The following DOP1A variants were observed in gnomAD, a reference collection of about 807,000 sequenced individuals.
DOP1A encodes the protein DOP1 leucine zipper like protein A.
DOP1A carries 90 observed loss-of-function variants against 267.6 expected under a neutral mutation model. The ratio of observed to expected loss-of-function variants is 0.34; its 90% CI spans 0.28 to 0.40. The LOEUF (loss-of-function observed/expected upper bound fraction) is 0.40, where lower values mean the gene tolerates loss of function less well. Ranked by LOEUF, DOP1A falls within the 10% of genes least tolerant of loss-of-function variation. The probability of loss-of-function intolerance (pLI) is 1.00; values close to 1 mark genes in which losing one functional copy is unlikely to be tolerated. For synonymous variants in DOP1A, 932 were observed against 999.1 expected (o/e 0.93, Z 1.27); for missense variants, 2,437 against 2,900.4 (o/e 0.84, Z 3.67).
chr6:83,097,945 C>G (rs1771812747), intron 3 of DOP1A, among the ~76,000 whole-genome samples: 2 of 151,768 alleles, frequency 1.3e-5, no homozygotes, highest in South Asian at 2.1e-4. Context: ...TTCACCCAGG[C>G]TGGAGTCCAG....
In DOP1A at chr6:83,140,307, A is replaced by G. The variant is rs1779407057; in HGVS notation, c.5319A>G (p.Thr1773=). The G allele has an allele frequency of 6.2e-7, 1 of 1,613,678 alleles. No individual in the cohort carries two copies. The highest frequency in any genetic ancestry group is 8.5e-7 in the Non-Finnish European group (1 of 1,179,894). ...SILHMIMSSV[T]LLWSILHQAD... is the part of the protein sequence containing the mutation. Reference sequence around the variant, plus strand: ...TTCATATGATCATGTCCTCTGTGACACTGCTTTGGAGCATACTGCATCAAG... The same window carrying G: ...TTCATATGATCATGTCCTCTGTGACGCTGCTTTGGAGCATACTGCATCAAG... The change falls in exon 23 of 39, where the codon ACA becomes ACG. Residue 1773 remains threonine, a synonymous_variant. Transcript: ENST00000349129.
chr6:83,144,100 T>A (rs1780085036), intron 24 of DOP1A, among the ~76,000 whole-genome samples: 1 of 152,098 alleles, frequency 6.6e-6, no homozygotes, highest in Admixed American at 6.5e-5. Context: ...ATGCAATGTC[T>A]CAACAACAAC....
intron 27 of DOP1A, 48 bp from the exon 28 acceptor site, chr6:83,151,545 C>A: frequency 1.3e-6 from 2 of 1,506,006 alleles, no homozygotes; most frequent in Non-Finnish European, 1.8e-6. Context: ...GCATTAGTTT[C>A]TTTTAGCCTG....
intron 4 of DOP1A, among the ~76,000 whole-genome samples, chr6:83,103,512 C>G (rs1045491513): frequency 6.6e-6 from 1 of 152,168 alleles, no homozygotes; most frequent in Non-Finnish European, 1.5e-5. Flanking sequence ...TGAATTGATG[C>G]CTTTCACCAA....
rs1279817193 is a variant in DOP1A at position 83,139,011 on chromosome 6, C to T, written c.4969C>T (p.His1657Tyr). ...GCATCAGCACTGTGCATGTAAGATG[C>T]ACCCACAATGGATTGGTTTAATCAC... ...ALHQHCACKM[H>Y]PQWIGLITST... is the part of the protein sequence containing the mutation. Residue 1657 changes from histidine (H) to tyrosine (Y), a missense_variant, in exon 21 of 39, where the codon CAC (histidine) becomes TAC (tyrosine). This residue lies in a region of DOP1A where 307 missense variants were observed against 308.6 expected (regional missense o/e 0.99). Transcript: ENST00000349129. 16 of 1,613,982 alleles carry T rather than the reference C, an allele frequency of 9.9e-6. No homozygotes were observed. The highest frequency in any genetic ancestry group is 2.2e-5 in the South Asian group (2 of 91,088).
intron 14 of DOP1A, 106 bp downstream of exon 14, chr6:83,125,301 C>G: frequency 8.3e-7 from 1 of 1,207,294 alleles, no homozygotes; most frequent in Non-Finnish European, 1.1e-6. Flanking sequence ...ATAATATATG[C>G]TTTGAAGTAT....
chr6:83,083,266 T>C (rs1204599047), intron 1 of DOP1A, among the ~76,000 whole-genome samples: 1 of 152,160 alleles, frequency 6.6e-6, no homozygotes, highest in Non-Finnish European at 1.5e-5. Flanking sequence ...ATTCAAGGTC[T>C]AGGAAGAATA....
intron 7 of DOP1A, among the ~76,000 whole-genome samples, chr6:83,118,504 CCTT>C (rs1416112455): frequency 4.6e-5 from 7 of 152,162 alleles, no homozygotes; most frequent in East Asian, 3.9e-4. Flanking sequence ...AAGATAGTAA[CCTT>C]CTCAGGAGTT....
At chr6:83,092,094 T>G (rs1005188897) in intron 1 of DOP1A, among the ~76,000 whole-genome samples, 4 of 152,186 alleles carry the variant, frequency 2.6e-5, no homozygotes, top group African/African-American at 7.2e-5. Flanking sequence ...GCCTTACTTG[T>G]TTTAGTGTGC....
rs1554239142 is a variant in DOP1A at position 83,132,339 on chromosome 6, TTA to T, written c.2769+13_2769+14del. ...ACCCATAAAGATAAGGTAAATCCTC[TTA>T]TCTTGTGCACACCGCCCCCTCCGCC... On this transcript the variant is annotated intron_variant, in intron 18 of 38. Coordinates refer to ENST00000349129, the MANE Select transcript of DOP1A (RefSeq NM_015018.4). 1.9e-6 allele frequency: 3 copies of T among 1,597,004 alleles called. No homozygotes were observed. In the South Asian group the frequency reaches 3.3e-5, roughly 18 times the overall value.
At chr6:83,136,428 T>A (rs182213943) in intron 20 of DOP1A, among the ~76,000 whole-genome samples, 2 of 152,100 alleles carry the variant, frequency 1.3e-5, no homozygotes, top group Middle Eastern at 3.2e-3. Context: ...CCCCTTAGAT[T>A]AATTTATTTC....
intron 4 of DOP1A, 89 bp downstream of exon 4, chr6:83,100,975 A>G: frequency 1.2e-6 from 1 of 840,476 alleles, no homozygotes; most frequent in Non-Finnish European, 1.6e-6. Flanking sequence ...AAAACTAAAA[A>G]TTGAAAACTC....
At chr6:83,087,031 C>G (rs1332253916) in intron 1 of DOP1A, among the ~76,000 whole-genome samples, 1 of 152,050 alleles carries the variant, frequency 6.6e-6, no homozygotes, top group Non-Finnish European at 1.5e-5. Flanking sequence ...CTTGGGAAGG[C>G]AAGAGGAGAC....
At chr6:83,157,454 A>T (rs1267877117) in intron 35 of DOP1A, 136 bp downstream of exon 35, 3 of 895,410 alleles carry the variant, frequency 3.4e-6, no homozygotes, top group Non-Finnish European at 5.2e-6. Context: ...TGCTTTTTAC[A>T]GTTGAAAATA....
chr6:83,160,030 A>C, intron 37 of DOP1A, 70 bp downstream of exon 37: 2 of 1,473,490 alleles, frequency 1.4e-6, no homozygotes, highest in Non-Finnish European at 1.8e-6. Context: ...GACATCTATG[A>C]CTAATTAAAA....
downstream of DOP1A, chr6:83,169,277 T>C: frequency 6.2e-7 from 1 of 1,614,072 alleles, no homozygotes; most frequent in East Asian, 2.2e-5. Context: ...TCCAGCCAGC[T>C]GAAATACTGC....
At chr6:83,121,512 A>G (rs1376431553) in intron 10 of DOP1A, among the ~76,000 whole-genome samples, 1 of 151,776 alleles carries the variant, frequency 6.6e-6, no homozygotes. Context: ...AGCAGTAATT[A>G]CAAGTAGCTT....
chr6:83,111,127 CATT>C (rs1374422938), intron 6 of DOP1A, among the ~76,000 whole-genome samples: 1 of 151,908 alleles, frequency 6.6e-6, no homozygotes, highest in Non-Finnish European at 1.5e-5. Flanking sequence ...TAAGTGGACT[CATT>C]TTTTGTGTTC....
At chr6:83,141,282 A>T (rs974445953) in intron 23 of DOP1A, among the ~76,000 whole-genome samples, 1 of 152,020 alleles carries the variant, frequency 6.6e-6, no homozygotes, top group Non-Finnish European at 1.5e-5. Flanking sequence ...GAATAAAGAA[A>T]GTTTGCATTT....
Sources: allele counts gnomAD v4.1 joint callset (sites outside exome capture counted in the v4.1 genomes callset), GRCh38; gene constraint gnomAD v4.1.1; regional missense constraint gnomAD v4.1.1; transcripts MANE v1.5; gene names NCBI Gene and HGNC (gene_info 2026-07-23, HGNC 2026-07-21).